The following LUZP2 variants were observed in gnomAD, a reference collection of about 807,000 sequenced individuals.
The protein encoded by LUZP2 is leucine zipper protein 2.
In LUZP2, 52 loss-of-function variants were observed where a neutral mutation model predicts 51.6. That is an observed-to-expected ratio of 1.01 (90% CI 0.81 to 1.27). LUZP2 has a LOEUF of 1.27. Among genes scored for constraint, LUZP2 ranks in the 50% most tolerant of loss-of-function variants. LUZP2 has a pLI of 0.00. For missense variants in LUZP2, 436 were observed against 395.4 expected (o/e 1.10, Z -0.87); for synonymous variants, 154 against 137.3 (o/e 1.12, Z -0.85).
intron 9 of LUZP2, among the ~76,000 whole-genome samples, chr11:25,040,343 A>ATTTTTTTTTTTT (rs57668112): frequency 0.23 from 22,526 of 96,786 alleles, 4,816 homozygotes; most frequent in Non-Finnish European, 0.26. Context: ...TTTCTTTCCG[A>ATTTTTTTTTTTT]TTTTTTTTTT....
rs1186534695 is a variant in LUZP2 at position 24,729,261 on chromosome 11, T to G, written c.155T>G (p.Leu52Arg). 1 of 1,556,116 alleles carries G rather than the reference T, an allele frequency of 6.4e-7. No individual in the cohort carries two copies. Among genetic ancestry groups the G allele is most frequent in the African/African-American group, 1.4e-5 (1 of 73,098 alleles). ...CAGCTGACAAAGACATCAAGAGAAC[T>G]TGATGGAATTAAAGTCAATCTTCAG... is the stretch of plus-strand genomic sequence containing the variant. Reference protein sequence around the residue: ...LRQLTKTSRELDGIKVNLQSL... With the variant: ...LRQLTKTSRERDGIKVNLQSL... The change falls in exon 2 of 12, where the codon CTT becomes CGT. Residue 52 changes from leucine (L) to arginine (R), a missense_variant. Transcript: ENST00000336930.
chr11:25,028,286 A>C (rs1317221617), intron 9 of LUZP2, among the ~76,000 whole-genome samples: 1 of 152,180 alleles, frequency 6.6e-6, no homozygotes, highest in Non-Finnish European at 1.5e-5. Flanking sequence ...CTGTTGTGCT[A>C]TCAAATACTA....
chr11:25,024,083 T>C (rs921069398), intron 9 of LUZP2, among the ~76,000 whole-genome samples: 1 of 152,138 alleles, frequency 6.6e-6, no homozygotes, highest in Non-Finnish European at 1.5e-5. Flanking sequence ...GTAAGTGCGA[T>C]GTGGTGCTGA....
intron 10 of LUZP2, among the ~76,000 whole-genome samples, chr11:25,055,221 G>A (rs1173097048): frequency 6.6e-6 from 1 of 151,754 alleles, no homozygotes; most frequent in Non-Finnish European, 1.5e-5. Context: ...ATGCTGGCCA[G>A]GATGGTCTCG....
At chr11:24,883,555 A>T (rs1852562369) in intron 5 of LUZP2, among the ~76,000 whole-genome samples, 1 of 152,042 alleles carries the variant, frequency 6.6e-6, no homozygotes, top group South Asian at 2.1e-4. Context: ...CTTGAACTGC[A>T]GTATGAAATT....
intron 5 of LUZP2, among the ~76,000 whole-genome samples, chr11:24,787,233 G>A (rs1271908841): frequency 6.6e-6 from 1 of 152,114 alleles, no homozygotes; most frequent in South Asian, 2.1e-4. Context: ...TGAAGTATCA[G>A]TTGTGTTGTG....
chr11:24,934,350 C>T (rs1341096007), intron 7 of LUZP2, among the ~76,000 whole-genome samples: 1 of 152,122 alleles, frequency 6.6e-6, no homozygotes, highest in Non-Finnish European at 1.5e-5. Context: ...ATTCTAAACA[C>T]ATTTAGGTAT....
intron 7 of LUZP2, among the ~76,000 whole-genome samples, chr11:24,946,906 A>G (rs1266838372): frequency 6.6e-6 from 1 of 151,994 alleles, no homozygotes; most frequent in African/African-American, 2.4e-5. Context: ...ATATATCTAT[A>G]TATTCATATA....
At chr11:24,769,292 T>C (rs1302902156) in intron 5 of LUZP2, among the ~76,000 whole-genome samples, 1 of 152,124 alleles carries the variant, frequency 6.6e-6, no homozygotes, top group East Asian at 1.9e-4. Flanking sequence ...TAAAGTTAGG[T>C]AGGAGAAATA....
intron 5 of LUZP2, among the ~76,000 whole-genome samples, chr11:24,776,954 A>G (rs1055506187): frequency 6.6e-6 from 1 of 150,646 alleles, no homozygotes; most frequent in Non-Finnish European, 1.5e-5. Flanking sequence ...TTCATTCCCA[A>G]CAGGGCAAGG....
chr11:24,583,853 G>A (rs552133023), intron 1 of LUZP2, among the ~76,000 whole-genome samples: 3 of 149,232 alleles, frequency 2.0e-5, no homozygotes, highest in African/African-American at 7.4e-5. Flanking sequence ...ACAGGAGCCC[G>A]CCACCATGAC....
rs181209064 is a variant in LUZP2, at chr11:25,015,266, G to A, written c.765+31973G>A. Among the ~76,000 whole-genome samples, 79 of 152,106 alleles carry A rather than the reference G, an allele frequency of 5.2e-4. 1 individual carries two copies. The highest frequency in any genetic ancestry group is 3.4e-3 in the Middle Eastern group (1 of 294). On this transcript the variant is annotated intron_variant, in intron 9 of 11. Transcript: ENST00000336930. Reference sequence around the variant, plus strand: ...TACCTCTACACTTACAAAATGTTACGATAGTACAGAGAATTCCTGTGTAAC... The same window carrying A: ...TACCTCTACACTTACAAAATGTTACAATAGTACAGAGAATTCCTGTGTAAC...
chr11:24,617,125 G>A (rs1489835148), intron 1 of LUZP2, among the ~76,000 whole-genome samples: 1 of 152,038 alleles, frequency 6.6e-6, no homozygotes, highest in African/African-American at 2.4e-5. Context: ...AGGTGTTCCT[G>A]ATGTTCATGG....
intron 1 of LUZP2, among the ~76,000 whole-genome samples, chr11:24,585,978 C>T (rs1565008430): frequency 6.6e-6 from 1 of 152,088 alleles, no homozygotes; most frequent in African/African-American, 2.4e-5. Flanking sequence ...TTGTATTGAT[C>T]TATACCTTTT....
At chr11:24,878,114 TTTTG>T (rs1483946124) in intron 5 of LUZP2, among the ~76,000 whole-genome samples, 1,712 of 150,700 alleles carry the variant, frequency 0.011, 43 homozygotes, top group African/African-American at 0.039. Flanking sequence ...TTTTTTTTTT[TTTTG>T]GTGAACTTAC....
At chr11:24,837,947 A>G (rs548854231) in intron 5 of LUZP2, among the ~76,000 whole-genome samples, 1 of 151,726 alleles carries the variant, frequency 6.6e-6, no homozygotes, top group Non-Finnish European at 1.5e-5. Flanking sequence ...AAATGGTTGC[A>G]TGATTATTCT....
intron 1 of LUZP2, among the ~76,000 whole-genome samples, chr11:24,663,546 A>G (rs914885538): frequency 1.4e-4 from 21 of 152,208 alleles, no homozygotes; most frequent in African/African-American, 4.8e-4. Context: ...TCAAGATTAT[A>G]TTTTTTCCCA....
chr11:24,606,226 T>C (rs2133876616), intron 1 of LUZP2, among the ~76,000 whole-genome samples: 1 of 151,996 alleles, frequency 6.6e-6, no homozygotes, highest in South Asian at 2.1e-4. Context: ...TTACAATTTT[T>C]GGACTTTATG....
At chr11:24,788,899 T>G (rs774594108) in intron 5 of LUZP2, among the ~76,000 whole-genome samples, 11 of 152,142 alleles carry the variant, frequency 7.2e-5, no homozygotes, top group Admixed American at 6.6e-5. Flanking sequence ...AAGGGCAATC[T>G]CTTTACTTAC....
Sources: gnomAD v4.1 joint callset for allele counts (sites outside exome capture counted in the v4.1 genomes callset) on GRCh38, gnomAD v4.1.1 for gene constraint, MANE v1.5 for transcripts, NCBI Gene and HGNC (gene_info 2026-07-23, HGNC 2026-07-21) for gene names.